NYAP2: variants seen among roughly 807,000 people sequenced by gnomAD.
NYAP2 encodes neuronal tyrosine-phosphorylated phosphoinositide-3-kinase adapter 2.
NYAP2 carries 23 observed loss-of-function variants against 50.4 expected under a neutral mutation model. The observed-to-expected ratio is 0.46, with a 90% confidence interval of 0.33 to 0.65. The LOEUF (loss-of-function observed/expected upper bound fraction) is 0.65. Ranked by LOEUF, NYAP2 falls within the 30% of genes least tolerant of loss-of-function variation. NYAP2 has a pLI of 0.02. For synonymous variants in NYAP2, 394 were observed against 365.2 expected (o/e 1.08, Z -0.90); for missense variants, 885 against 861.0 (o/e 1.03, Z -0.35).
chr2:225,447,055 A>G (rs1056109997), intron 3 of NYAP2, among the ~76,000 whole-genome samples: 2 of 151,640 alleles, frequency 1.3e-5, no homozygotes, highest in Non-Finnish European at 2.9e-5. Context: ...GAGTGGGGGG[A>G]GCAAGATTGA....
chr2:225,676,802 A>G, the NYAP2 span, among the ~76,000 whole-genome samples: 1 of 152,116 alleles, frequency 6.6e-6, no homozygotes, highest in African/African-American at 2.4e-5. Flanking sequence ...TGCTGTTTTA[A>G]TTACTGTAGC....
intron 3 of NYAP2, among the ~76,000 whole-genome samples, chr2:225,455,665 A>G (rs1559184578): frequency 6.6e-6 from 1 of 152,220 alleles, no homozygotes; most frequent in East Asian, 1.9e-4. Flanking sequence ...TTATACTTTC[A>G]AATGGATGTG....
chr2:225,671,558 G>A, the NYAP2 span, among the ~76,000 whole-genome samples: 1 of 152,128 alleles, frequency 6.6e-6, no homozygotes, highest in East Asian at 1.9e-4. Context: ...CCAAAAGGTT[G>A]AGATCAACTT....
chr2:225,700,985 G>C, the NYAP2 span: 1 of 151,750 alleles, frequency 6.6e-6, no homozygotes. Context: ...GCGGTAACTT[G>C]TTTGAAAATT....
At chr2:225,513,094 T>C (rs1357297189) in intron 3 of NYAP2, among the ~76,000 whole-genome samples, 1 of 152,188 alleles carries the variant, frequency 6.6e-6, no homozygotes, top group East Asian at 1.9e-4. Context: ...AATTCTTGTT[T>C]ACATTTTAAG....
At chr2:225,505,295 A>G (rs1307266732) in intron 3 of NYAP2, among the ~76,000 whole-genome samples, 1 of 152,214 alleles carries the variant, frequency 6.6e-6, no homozygotes, top group Non-Finnish European at 1.5e-5. Flanking sequence ...TAGAAAATAG[A>G]TATCATTGAG....
At chr2:225,452,173 T>G (rs1221514687) in intron 3 of NYAP2, among the ~76,000 whole-genome samples, 1 of 152,208 alleles carries the variant, frequency 6.6e-6, no homozygotes, top group Non-Finnish European at 1.5e-5. Flanking sequence ...TGGATTCAAA[T>G]GCTATTTCTG....
intron 3 of NYAP2, among the ~76,000 whole-genome samples, chr2:225,421,248 C>T (rs775670050): frequency 1.3e-5 from 2 of 152,170 alleles, no homozygotes; most frequent in Non-Finnish European, 2.9e-5. Context: ...TGTTACTAGA[C>T]TGTCACATAT....
intron 3 of NYAP2, among the ~76,000 whole-genome samples, chr2:225,447,671 A>G (rs1234422030): frequency 6.6e-6 from 1 of 152,220 alleles, no homozygotes; most frequent in Non-Finnish European, 1.5e-5. Flanking sequence ...AAATGATTAA[A>G]TAGAAGAGGT....
At chr2:225,424,428 CA>C (rs1695257498) in intron 3 of NYAP2, among the ~76,000 whole-genome samples, 1 of 151,816 alleles carries the variant, frequency 6.6e-6, no homozygotes, top group Admixed American at 6.6e-5. Flanking sequence ...AAGAGTCATC[CA>C]TTTTACTTAG....
chr2:225,561,214 G>A (rs1559214799), intron 4 of NYAP2, among the ~76,000 whole-genome samples: 1 of 152,074 alleles, frequency 6.6e-6, no homozygotes, highest in Non-Finnish European at 1.5e-5. Flanking sequence ...AGGTGGTCAT[G>A]AGAAACCCTC....
intron 4 of NYAP2, among the ~76,000 whole-genome samples, chr2:225,571,789 T>C (rs750595793): frequency 6.6e-6 from 1 of 152,242 alleles, no homozygotes; most frequent in Admixed American, 6.5e-5. Context: ...TTGTTACTTA[T>C]GCAAATTTCT....
At chr2:225,460,992 C>CAAAAAA (rs869283101) in intron 3 of NYAP2, among the ~76,000 whole-genome samples, 1 of 43,058 alleles carries the variant, frequency 2.3e-5, no homozygotes, top group East Asian at 1.0e-3. Context: ...GACTCTGTCT[C>CAAAAAA]AAAAAAAAAA....
intron 3 of NYAP2, among the ~76,000 whole-genome samples, chr2:225,410,405 G>A (rs1238880307): frequency 6.6e-6 from 1 of 151,860 alleles, no homozygotes; most frequent in African/African-American, 2.4e-5. Context: ...TTTCTAGAGT[G>A]TATAAATGCC....
intron 4 of NYAP2, among the ~76,000 whole-genome samples, chr2:225,566,747 G>T (rs894369453): frequency 6.6e-6 from 1 of 152,154 alleles, no homozygotes; most frequent in Non-Finnish European, 1.5e-5. Context: ...AGAGAAAAAA[G>T]AGTTATCAAC....
chr2:225,678,519 A>C, the NYAP2 span, among the ~76,000 whole-genome samples: 1 of 152,150 alleles, frequency 6.6e-6, no homozygotes, highest in African/African-American at 2.4e-5. Context: ...TCTTCTCAAA[A>C]CTTAGAACCA....
chr2:225,565,922 A>G (rs933764140), intron 4 of NYAP2, among the ~76,000 whole-genome samples: 2 of 152,168 alleles, frequency 1.3e-5, no homozygotes, highest in Non-Finnish European at 2.9e-5. Flanking sequence ...CCTTAACAAT[A>G]TATTTGTAAA....
At chr2:225,577,745 C>G (rs992112508) in intron 4 of NYAP2, among the ~76,000 whole-genome samples, 1 of 151,864 alleles carries the variant, frequency 6.6e-6, no homozygotes, top group African/African-American at 2.4e-5. Flanking sequence ...CTCAAAGAAC[C>G]TCTGATTTAC....
At chr2:225,666,312 A>G in the NYAP2 span, among the ~76,000 whole-genome samples, 1 of 152,168 alleles carries the variant, frequency 6.6e-6, no homozygotes, top group African/African-American at 2.4e-5. Flanking sequence ...CTTGTTGACA[A>G]AAAGAGTCAA....
Sources: gnomAD v4.1 joint callset for allele counts (sites outside exome capture counted in the v4.1 genomes callset) on GRCh38, gnomAD v4.1.1 for gene constraint, MANE v1.5 for transcripts, NCBI Gene and HGNC (gene_info 2026-07-23, HGNC 2026-07-21) for gene names.